The following ANKS3 variants were observed in gnomAD, a reference collection of about 807,000 sequenced individuals.
ANKS3 encodes the protein ankyrin repeat and sterile alpha motif domain containing 3, also known as ankyrin repeat and SAM domain-containing protein 3.
ANKS3 carries 62 observed loss-of-function variants against 80.7 expected under a neutral mutation model. The observed-to-expected ratio is 0.77, with a 90% CI of 0.63 to 0.95. The LOEUF (loss-of-function observed/expected upper bound fraction) is 0.95. ANKS3 is among the 40% of genes least tolerant of loss of function. ANKS3 has a pLI of 0.00. For missense variants in ANKS3, 1,150 were observed against 883.6 expected, an observed-to-expected ratio of 1.30 and a Z score of -3.82; for synonymous variants, 489 against 355.3, an observed-to-expected ratio of 1.38 and a Z score of -4.23.
At chr16:4,728,153 C>CT (rs2081448811) in intron 3 of ANKS3, 1 of 152,394 alleles carries the variant, frequency 6.6e-6, no homozygotes, top group South Asian at 2.1e-4. Flanking sequence ...TCACGCCATT[C>CT]TCCTGCCTCA....
At chr16:4,732,699 A>AAC (rs2081705259) in intron 1 of ANKS3, among the ~76,000 whole-genome samples, 1 of 151,510 alleles carries the variant, frequency 6.6e-6, no homozygotes, top group South Asian at 2.1e-4. Flanking sequence ...ACAAAAAAAA[A>AAC]ACACTAAAGT....
At chr16:4,726,051 C>T (rs1486241116) in intron 5 of ANKS3, among the ~76,000 whole-genome samples, 1 of 150,556 alleles carries the variant, frequency 6.6e-6, no homozygotes, top group Non-Finnish European at 1.5e-5. Context: ...TCTCGGCTCA[C>T]TGCAAGCTCC....
chr16:4,725,512 G>A (rs1214890678), intron 5 of ANKS3, among the ~76,000 whole-genome samples: 1 of 152,176 alleles, frequency 6.6e-6, no homozygotes, highest in Non-Finnish European at 1.5e-5. Flanking sequence ...CTTTCTTAGT[G>A]GCATACAAAA....
At chr16:4,699,305 G>T (rs1054963422) in intron 11 of ANKS3, 129 bp from the exon 12 acceptor site, 2 of 1,307,186 alleles carry the variant, frequency 1.5e-6, no homozygotes, top group Non-Finnish European at 2.1e-6. Context: ...GTGGCGCCCA[G>T]GCTGTCCCCT....
intron 6 of ANKS3, among the ~76,000 whole-genome samples, chr16:4,718,376 C>T (rs142457355): frequency 6.6e-6 from 1 of 152,156 alleles, no homozygotes; most frequent in Non-Finnish European, 1.5e-5. Flanking sequence ...CCGGAAGGCA[C>T]GAATCAACTT....
chr16:4,711,619 G>A (rs1028618201), intron 7 of ANKS3, among the ~76,000 whole-genome samples: 5 of 151,068 alleles, frequency 3.3e-5, no homozygotes, highest in East Asian at 2.0e-4. Flanking sequence ...TTGGGACGCT[G>A]AGGCAGGAGA....
chr16:4,703,729 G>T (rs372768791), intron 8 of ANKS3, among the ~76,000 whole-genome samples: 6 of 151,930 alleles, frequency 3.9e-5, no homozygotes, highest in South Asian at 2.1e-4. Context: ...CTTAATTACT[G>T]GCAAATAAAA....
chr16:4,721,824 G>A lies in ANKS3; in HGVS notation c.573+2926C>T, dbSNP rs137929917. Among the ~76,000 whole-genome samples, 198 of 150,774 alleles carry A rather than the reference G, an allele frequency of 1.3e-3. 1 individual carries two copies. The highest frequency in any genetic ancestry group is 4.4e-3 in the African/African-American group (183 of 41,342). ...TTGTATTTTTGTATTTTTGGTAGAG[G>A]CGGGTTTCACCACCTTGGCCAAGCT... On this transcript the variant is annotated intron_variant, in intron 6 of 17. Transcript: ENST00000304283.
chr16:4,708,977 G>T (rs1265208334), intron 7 of ANKS3, among the ~76,000 whole-genome samples: 1 of 151,668 alleles, frequency 6.6e-6, no homozygotes, highest in Non-Finnish European at 1.5e-5. Flanking sequence ...TTCAAAATAA[G>T]AAGTGAGGCC....
At position 4,696,881 on chromosome 16, in the gene ANKS3, C is replaced by T; in HGVS notation, c.*27G>A. The T allele has an allele frequency of 1.3e-6, 1 of 795,204 alleles. No individual in the cohort carries two copies. The highest frequency in any genetic ancestry group is 2.0e-6 in the Non-Finnish European group (1 of 488,136). 49.3% of individuals were successfully genotyped at this position (795,204 alleles called of 1,614,324 possible). A position where few individuals can be genotyped will look rare whatever the true frequency, so the allele number is the denominator to read the frequency against. On this transcript the variant is annotated 3_prime_UTR_variant, in exon 18 of 18. Coordinates refer to ENST00000304283, the MANE Select transcript of ANKS3 (RefSeq NM_133450.4). ...GCACACAGCTTCAGGGTGGACCAAT[C>T]ACCCAACGTCAGATTCTGAAAGAAA...
chr16:4,708,433 T>C (rs1464635882), intron 7 of ANKS3, among the ~76,000 whole-genome samples: 1 of 152,050 alleles, frequency 6.6e-6, no homozygotes, highest in African/African-American at 2.4e-5. Context: ...CAGCAAAAAT[T>C]CACAGCCTCT....
chr16:4,710,821 A>T (rs1377175653), intron 7 of ANKS3, among the ~76,000 whole-genome samples: 1 of 152,192 alleles, frequency 6.6e-6, no homozygotes, highest in Non-Finnish European at 1.5e-5. Context: ...TTTCTTTGAG[A>T]TGGAGTCTCG....
intron 11 of ANKS3, 116 bp from the exon 12 acceptor site, chr16:4,699,292 T>G (rs2079770181): frequency 5.7e-6 from 8 of 1,400,842 alleles, no homozygotes; most frequent in East Asian, 2.5e-5. Context: ...CAGTGCCTTG[T>G]GTGTGGCGCC....
chr16:4,698,696 C>A, intron 13 of ANKS3, 97 bp from the exon 14 acceptor site: 4 of 1,529,562 alleles, frequency 2.6e-6, no homozygotes, highest in Non-Finnish European at 2.6e-6. Flanking sequence ...CCTCTCCCCA[C>A]TGCATCCACC....
intron 7 of ANKS3, among the ~76,000 whole-genome samples, chr16:4,711,509 G>A (rs1389632088): frequency 2.0e-5 from 3 of 151,524 alleles, no homozygotes; most frequent in Non-Finnish European, 4.4e-5. Flanking sequence ...ACCTGAGGTC[G>A]GGAGTTTGAG....
intron 11 of ANKS3, chr16:4,700,471 C>T (rs2079839274): frequency 4.1e-6 from 1 of 242,264 alleles, no homozygotes; most frequent in Non-Finnish European, 8.3e-6. Flanking sequence ...CCTCTCCGTG[C>T]CTCTTCTGCC....
At chr16:4,709,161 C>A (rs984482674) in intron 7 of ANKS3, among the ~76,000 whole-genome samples, 1 of 151,512 alleles carries the variant, frequency 6.6e-6, no homozygotes, top group African/African-American at 2.4e-5. Context: ...AATCCCAGCA[C>A]TTTGGGAGGC....
intron 11 of ANKS3, chr16:4,700,537 C>T: frequency 3.0e-6 from 1 of 332,306 alleles, no homozygotes; most frequent in Non-Finnish European, 5.9e-6. Context: ...CTGTGAGTCA[C>T]ACCTCTGATC....
chr16:4,717,520 G>GCACT (rs1472131461), intron 6 of ANKS3: 5 of 151,782 alleles, frequency 3.3e-5, no homozygotes, highest in Admixed American at 3.3e-4. Flanking sequence ...GTAAGCTGCT[G>GCACT]CACTCCAGCC....
Sources: allele counts gnomAD v4.1 joint callset (sites outside exome capture counted in the v4.1 genomes callset), GRCh38; gene constraint gnomAD v4.1.1; transcripts MANE v1.5; gene names NCBI Gene and HGNC (gene_info 2026-07-23, HGNC 2026-07-21).